Variants in IMMT observed in about 807,000 individuals in gnomAD.
IMMT encodes inner membrane mitochondrial protein.
A neutral mutation model predicts 92.7 loss-of-function variants in IMMT; 40 were observed. The ratio of observed to expected loss-of-function variants is 0.43; its 90% CI spans 0.34 to 0.56. The LOEUF (loss-of-function observed/expected upper bound fraction) is 0.56. IMMT is among the 20% of genes least tolerant of loss of function. IMMT has a pLI of 0.03. For missense variants in IMMT, 831 were observed against 912.1 expected, an observed-to-expected ratio of 0.91 and a Z score of 1.14; for synonymous variants, 322 against 336.1, an observed-to-expected ratio of 0.96 and a Z score of 0.46.
intron 11 of IMMT, 38 bp from the exon 12 acceptor site, chr2:86,151,558 CT>C (rs1388453903): frequency 7.0e-7 from 1 of 1,428,182 alleles, no homozygotes; most frequent in Admixed American, 1.7e-5. Context: ...AATGATGTCA[CT>C]GAAATTATAC....
intron 10 of IMMT, among the ~76,000 whole-genome samples, chr2:86,155,860 C>T (rs1053097182): frequency 2.6e-5 from 4 of 152,108 alleles, no homozygotes; most frequent in African/African-American, 9.7e-5. Context: ...TCTAGAAATA[C>T]ATAAGAAATC....
chr2:86,148,226 C>CA (rs1327620802), intron 12 of IMMT, among the ~76,000 whole-genome samples: 2 of 152,196 alleles, frequency 1.3e-5, no homozygotes, highest in African/African-American at 4.8e-5. Flanking sequence ...TTACTACAAC[C>CA]ATCTGTGTGA....
intron 2 of IMMT, 40 bp from the exon 3 acceptor site, chr2:86,179,662 C>G (rs1451230130): frequency 2.0e-6 from 3 of 1,486,024 alleles, no homozygotes; most frequent in Non-Finnish European, 1.8e-6. Context: ...TATTTCTTGG[C>G]TCTCCTACAC....
rs368734236 is a variant in IMMT at position 86,144,496 on chromosome 2, C to T, written c.2049G>A (p.Glu683=). The T allele has an allele frequency of 1.2e-6, 2 of 1,613,872 alleles. No individual in the cohort carries two copies. The highest frequency in any genetic ancestry group is 2.7e-5 in the African/African-American group (2 of 74,912). ...ACAGTAATTTAAATGTGTTTATATC[C>T]TCAGGGCAGAGCTCTGGGGGCGGCT... ...QLKPPPELCP[E]DINTFKLLSY... is the part of the protein sequence containing the mutation. Residue 683 remains glutamate (E), a synonymous_variant, in exon 15 of 15, where the codon GAG becomes GAA. Coordinates refer to ENST00000410111, the MANE Select transcript of IMMT (RefSeq NM_006839.3).
At chr2:86,167,844 T>G (rs1016331940) in intron 6 of IMMT, among the ~76,000 whole-genome samples, 5 of 151,804 alleles carry the variant, frequency 3.3e-5, no homozygotes, top group African/African-American at 1.2e-4. Flanking sequence ...TTTTTCAAAA[T>G]TATTTAAAGA....
chr2:86,182,723 T>C (rs1246477347), intron 1 of IMMT, among the ~76,000 whole-genome samples: 4 of 150,836 alleles, frequency 2.7e-5, no homozygotes, highest in Admixed American at 6.6e-5. Context: ...CATGTGCCTA[T>C]AGTCCCAGAT....
chr2:86,181,263 G>A, intron 2 of IMMT, 36 bp downstream of exon 2: 1 of 1,515,062 alleles, frequency 6.6e-7, no homozygotes, highest in Non-Finnish European at 9.2e-7. Flanking sequence ...GCAGCACACA[G>A]TGAAAAGCCT....
intron 6 of IMMT, among the ~76,000 whole-genome samples, chr2:86,169,589 C>T (rs764052572): frequency 6.6e-5 from 10 of 152,160 alleles, no homozygotes; most frequent in Non-Finnish European, 1.5e-4. Context: ...CAAAAAGCTA[C>T]ATCCCACGAC....
chr2:86,184,083 C>A (rs1672598189), intron 1 of IMMT, among the ~76,000 whole-genome samples: 1 of 152,142 alleles, frequency 6.6e-6, no homozygotes, highest in Non-Finnish European at 1.5e-5. Flanking sequence ...CCCACATTTT[C>A]TCCAACACAC....
rs571069503 is a variant in IMMT at position 86,150,932 on chromosome 2, T to G, written c.1401+365A>C. On this transcript the variant is annotated intron_variant, in intron 12 of 14. Transcript: ENST00000410111. Reference sequence around the variant, plus strand: ...AATGACTGTCAGTATTTTTTTTTTTTTTTTGAGACAGTCTTGCTCCATCGC... The same window carrying G: ...AATGACTGTCAGTATTTTTTTTTTTGTTTTGAGACAGTCTTGCTCCATCGC... 4.6e-3 allele frequency among the ~76,000 whole-genome samples: 705 copies of G among 152,226 alleles called. 8 individuals are homozygous for G. The highest frequency in any genetic ancestry group is 0.016 in the African/African-American group (682 of 41,524).
At chr2:86,151,592 C>G in intron 11 of IMMT, 72 bp from the exon 12 acceptor site, 1 of 1,097,570 alleles carries the variant, frequency 9.1e-7, no homozygotes, top group Non-Finnish European at 1.4e-6. Flanking sequence ...TAATCTGCAT[C>G]AACTGATTAT....
At chr2:86,170,167 C>T (rs944903281) in intron 6 of IMMT, among the ~76,000 whole-genome samples, 2 of 152,226 alleles carry the variant, frequency 1.3e-5, no homozygotes, top group Admixed American at 6.5e-5. Flanking sequence ...GTAATCCCAG[C>T]ACTTTGGGAG....
chr2:86,188,840 A>G (rs1203508696), intron 1 of IMMT, among the ~76,000 whole-genome samples: 2 of 152,168 alleles, frequency 1.3e-5, no homozygotes, highest in Non-Finnish European at 2.9e-5. Flanking sequence ...AATATCTAGT[A>G]TCCATTAGAA....
rs745847328 is a variant in IMMT, at chr2:86,144,630, G to C, written c.1915C>G (p.Gln639Glu). ...ETLRARFYAV[Q>E]KLARRVAMID... ...ATTGCTACCCTTCGGGCCAGTTTTTGAACAGCATAGAAACGGGCTCTAAGG... is the reference window on the plus strand; with the variant it reads ...ATTGCTACCCTTCGGGCCAGTTTTTCAACAGCATAGAAACGGGCTCTAAGG... Residue 639 changes from glutamine (Q) to glutamate (E), a missense_variant, in exon 15 of 15, where the codon CAA becomes GAA. Transcript: ENST00000410111. 13 of 1,613,850 alleles carry C rather than the reference G, an allele frequency of 8.1e-6. No individual in the cohort carries two copies. Among genetic ancestry groups the C allele is most frequent in the Non-Finnish European group, 1.1e-5 (13 of 1,179,910 alleles).
intron 1 of IMMT, among the ~76,000 whole-genome samples, chr2:86,190,752 G>A (rs1485879402): frequency 2.0e-5 from 3 of 152,232 alleles, no homozygotes; most frequent in African/African-American, 7.2e-5. Context: ...CACTTTGGGA[G>A]CCCAAGGCGG....
chr2:86,161,989 G>C lies in IMMT; in HGVS notation c.883C>G (p.Leu295Val). The part of the protein sequence containing the change: ...RKAVDEAADA[L>V]LKAKEELEKM... ...ATGAGTAATTACTTGGCTTTGAGAAGGGCATCGGCAGCTTCATCTACTGCC... is the reference window on the plus strand; with the variant it reads ...ATGAGTAATTACTTGGCTTTGAGAACGGCATCGGCAGCTTCATCTACTGCC... Residue 295 changes from leucine to valine, a missense_variant, in exon 8 of 15, where the codon CTT (leucine) becomes GTT (valine). Coordinates refer to ENST00000410111, the MANE Select transcript of IMMT (RefSeq NM_006839.3). 1.3e-6 allele frequency: 2 copies of C among 1,594,674 alleles called. No homozygotes were observed. Among genetic ancestry groups the C allele is most frequent in the Non-Finnish European group, 1.7e-6 (2 of 1,169,906 alleles).
intron 13 of IMMT, among the ~76,000 whole-genome samples, chr2:86,146,958 G>A (rs1243471607): frequency 1.5e-4 from 23 of 151,772 alleles, no homozygotes; most frequent in Admixed American, 8.5e-4. Flanking sequence ...ACAGGGTTTC[G>A]CCATGTTGGG....
At chr2:86,149,052 A>G (rs1675266032) in intron 12 of IMMT, among the ~76,000 whole-genome samples, 1 of 151,584 alleles carries the variant, frequency 6.6e-6, no homozygotes, top group South Asian at 2.1e-4. Context: ...CATATGACTG[A>G]GCAGGCAAGG....
At chr2:86,158,785 CAG>C in intron 9 of IMMT, 64 bp from the exon 10 acceptor site, 7 of 1,314,544 alleles carry the variant, frequency 5.3e-6, no homozygotes, top group Non-Finnish European at 7.4e-6. Flanking sequence ...TTCCAAGAAA[CAG>C]AAGTAGTATT....
Sources: allele counts gnomAD v4.1 joint callset (sites outside exome capture counted in the v4.1 genomes callset), GRCh38; gene constraint gnomAD v4.1.1; transcripts MANE v1.5; gene names NCBI Gene and HGNC (gene_info 2026-07-23, HGNC 2026-07-21).